The following FBXO4 variants were observed in gnomAD, a reference collection of about 807,000 sequenced individuals.
The protein encoded by FBXO4 is F-box only protein 4.
A neutral mutation model predicts 43.7 loss-of-function variants in FBXO4; 36 were observed. The ratio of observed to expected loss-of-function variants is 0.82; its 90% CI spans 0.63 to 1.09. The LOEUF is 1.09. Ranked by LOEUF, FBXO4 falls within the 50% of genes least tolerant of loss-of-function variation. FBXO4 has a pLI of 0.00. For missense variants in FBXO4, 435 were observed against 474.1 expected (o/e 0.92, Z 0.77); for synonymous variants, 180 against 165.6 (o/e 1.09, Z -0.67).
chr5:42,011,250 T>C, the FBXO4 span, among the ~76,000 whole-genome samples: 1 of 152,222 alleles, frequency 6.6e-6, no homozygotes. Flanking sequence ...GGAGGTGTTT[T>C]GGTAATGGAG....
the FBXO4 span, among the ~76,000 whole-genome samples, chr5:41,979,427 A>T: frequency 6.6e-6 from 1 of 152,224 alleles, no homozygotes; most frequent in Non-Finnish European, 1.5e-5. Context: ...ACCACTGATT[A>T]TGTTATTAAA....
chr5:41,966,660 C>G, the FBXO4 span, among the ~76,000 whole-genome samples: 1 of 152,086 alleles, frequency 6.6e-6, no homozygotes, highest in Non-Finnish European at 1.5e-5. Flanking sequence ...CCAATCGATA[C>G]GTATATAGAT....
At chr5:42,011,177 T>C in the FBXO4 span, among the ~76,000 whole-genome samples, 3 of 152,230 alleles carry the variant, frequency 2.0e-5, no homozygotes, top group East Asian at 5.8e-4. Context: ...AATTTGTCCC[T>C]ATTAAAAATT....
chr5:41,974,989 C>G, the FBXO4 span, among the ~76,000 whole-genome samples: 1 of 152,142 alleles, frequency 6.6e-6, no homozygotes, highest in Non-Finnish European at 1.5e-5. Context: ...TGTGTTTCTG[C>G]TATGGTCCCA....
chr5:42,036,331 G>T, the FBXO4 span, among the ~76,000 whole-genome samples: 2 of 151,556 alleles, frequency 1.3e-5, no homozygotes, highest in African/African-American at 4.8e-5. Context: ...GATTAGTCTT[G>T]TTACTAAGAA....
At chr5:41,925,599 C>A in intron 1 of FBXO4, 101 bp downstream of exon 1, 1 of 921,570 alleles carries the variant, frequency 1.1e-6, no homozygotes, top group South Asian at 3.9e-5. Flanking sequence ...CGCGCCCCGG[C>A]CTGGGTCTGG....
At chr5:41,939,834 ATTTTTTTTT>A (rs60238550) in intron 6 of FBXO4, among the ~76,000 whole-genome samples, 5 of 79,322 alleles carry the variant, frequency 6.3e-5, no homozygotes, top group East Asian at 3.5e-4. Context: ...ACAATTGGGG[ATTTTTTTTT>A]TTTTTTTTTT....
chr5:41,930,588 G>A (rs1224559251), intron 3 of FBXO4, among the ~76,000 whole-genome samples: 1 of 152,100 alleles, frequency 6.6e-6, no homozygotes, highest in Non-Finnish European at 1.5e-5. Flanking sequence ...TCACTAGGGT[G>A]AATAGTTGTA....
At chr5:41,952,399 A>G in the FBXO4 span, among the ~76,000 whole-genome samples, 1 of 152,220 alleles carries the variant, frequency 6.6e-6, no homozygotes, top group Non-Finnish European at 1.5e-5. Flanking sequence ...ATTTATAAAA[A>G]TTGACTAATT....
the FBXO4 span, among the ~76,000 whole-genome samples, chr5:41,997,527 T>C: frequency 6.6e-6 from 1 of 152,212 alleles, no homozygotes; most frequent in Non-Finnish European, 1.5e-5. Flanking sequence ...TGTCAACTGC[T>C]AAGTATGTCT....
At chr5:41,934,383 C>CT (rs1213710773) in intron 5 of FBXO4, 75 bp downstream of exon 5, 13 of 1,589,682 alleles carry the variant, frequency 8.2e-6, no homozygotes, top group Non-Finnish European at 1.0e-5. Context: ...TTAGACTTTA[C>CT]TGTGGCTTCT....
chr5:41,968,125 G>C, the FBXO4 span: 1 of 320,826 alleles, frequency 3.1e-6, no homozygotes, highest in East Asian at 7.9e-5. Flanking sequence ...TTCATCCAAA[G>C]CTGACAGACC....
chr5:41,960,360 GCT>G, the FBXO4 span, among the ~76,000 whole-genome samples: 2 of 151,810 alleles, frequency 1.3e-5, no homozygotes, highest in Admixed American at 6.6e-5. Context: ...TGTCTAGCTT[GCT>G]CTGTCTATAA....
chr5:42,014,489 A>C, the FBXO4 span, among the ~76,000 whole-genome samples: 2 of 152,168 alleles, frequency 1.3e-5, no homozygotes, highest in Admixed American at 1.3e-4. Flanking sequence ...TTTTAGGTTA[A>C]ATATGTGTCC....
chr5:41,944,224 A>G (rs949591283), downstream of FBXO4, among the ~76,000 whole-genome samples: 44 of 152,222 alleles, frequency 2.9e-4, no homozygotes, highest in Non-Finnish European at 6.3e-4. Context: ...TATTTAACAT[A>G]TTGAAGCATC....
chr5:41,936,372 A>G (rs1364502710), intron 5 of FBXO4, among the ~76,000 whole-genome samples: 1 of 152,300 alleles, frequency 6.6e-6, no homozygotes, highest in African/African-American at 2.4e-5. Context: ...GCCTCTACCA[A>G]GAATACCAAA....
the FBXO4 span, among the ~76,000 whole-genome samples, chr5:42,002,676 T>G: frequency 2.0e-5 from 3 of 152,230 alleles, no homozygotes; most frequent in Admixed American, 6.5e-5. Context: ...ATGTCATCTA[T>G]CTATACCATC....
chr5:41,967,599 C>T, the FBXO4 span: 1 of 1,088,888 alleles, frequency 9.2e-7, no homozygotes, highest in Non-Finnish European at 1.4e-6. Flanking sequence ...CTTCCAGCCA[C>T]AACCACATTC....
chr5:41,929,980 GAAAGA>G, intron 3 of FBXO4, 63 bp downstream of exon 3: 1 of 1,283,594 alleles, frequency 7.8e-7, no homozygotes, highest in Non-Finnish European at 1.1e-6. Context: ...TTGTTAAAAA[GAAAGA>G]AATTCATTTT....
Sources: allele counts gnomAD v4.1 joint callset (sites outside exome capture counted in the v4.1 genomes callset), GRCh38; gene constraint gnomAD v4.1.1; transcripts MANE v1.5; gene names NCBI Gene and HGNC (gene_info 2026-07-23, HGNC 2026-07-21).